The following TRIOBP variants were observed in gnomAD, a reference collection of about 807,000 sequenced individuals.
TRIOBP encodes the protein TRIO and F-actin binding protein.
Under a neutral mutation model 238.8 loss-of-function variants are expected in TRIOBP, and 169 were observed. The observed-to-expected ratio is 0.71, with a 90% CI of 0.62 to 0.80. TRIOBP has a LOEUF of 0.80. Ranked by LOEUF, TRIOBP falls within the 30% of genes least tolerant of loss-of-function variation. The probability of loss-of-function intolerance (pLI) is 0.00; values close to 1 mark genes in which losing one functional copy is unlikely to be tolerated. For missense variants in TRIOBP, 2,838 were observed against 3,122.6 expected, an observed-to-expected ratio of 0.91 and a Z score of 2.17; for synonymous variants, 1,150 against 1,274.4, an observed-to-expected ratio of 0.90 and a Z score of 2.08.
rs370721352 is a variant in TRIOBP, at chr22:37,725,985, C to T, written c.3429C>T (p.Ser1143=). The change falls in exon 7 of 24, where the codon AGC becomes AGT. Residue 1143 remains serine, a synonymous_variant. Coordinates refer to ENST00000644935, the MANE Select transcript of TRIOBP (RefSeq NM_001039141.3). ...TATTCCAGGACCTCCCCAGGGCCAG[C>T]ACAGAGAGCCTTGTCCCTTCCATGG... ...SLLFQDLPRA[S]TESLVPSMDS... 47 of 1,611,728 alleles carry T rather than the reference C, an allele frequency of 2.9e-5. No individual in the cohort carries two copies. The highest frequency in any genetic ancestry group is 3.6e-5 in the Non-Finnish European group (43 of 1,179,384).
At chr22:37,759,085 G>C in intron 16 of TRIOBP, 69 bp from the exon 17 acceptor site, 1 of 1,299,712 alleles carries the variant, frequency 7.7e-7, no homozygotes, top group South Asian at 1.2e-5. Flanking sequence ...AAGCCTGCGG[G>C]CTCCTCACTG....
intron 17 of TRIOBP, 80 bp downstream of exon 17, chr22:37,759,344 G>A: frequency 2.7e-6 from 4 of 1,460,838 alleles, no homozygotes; most frequent in Middle Eastern, 1.7e-4. Flanking sequence ...TGAGATTTTG[G>A]GAGCCCTTCC....
At chr22:37,754,798 C>T in intron 12 of TRIOBP, 79 bp from the exon 13 acceptor site, 2 of 1,426,648 alleles carry the variant, frequency 1.4e-6, no homozygotes, top group Non-Finnish European at 2.0e-6. Flanking sequence ...CTCCTGTGTG[C>T]AGCATAGTGA....
At chr22:37,744,872 A>T (rs986432343) in intron 11 of TRIOBP, among the ~76,000 whole-genome samples, 4 of 148,896 alleles carry the variant, frequency 2.7e-5, no homozygotes, top group African/African-American at 9.8e-5. Context: ...AAAAGCAATA[A>T]TTTTTTTTTT....
chr22:37,750,642 G>C, intron 11 of TRIOBP: 1 of 471,170 alleles, frequency 2.1e-6, no homozygotes, highest in Non-Finnish European at 4.4e-6. Context: ...CCTTAGACAG[G>C]TATACAGGGA....
intron 8 of TRIOBP, among the ~76,000 whole-genome samples, chr22:37,733,952 C>T (rs2145841782): frequency 6.6e-6 from 1 of 152,342 alleles, no homozygotes. Context: ...CAGGCGTGAA[C>T]CACGGCACCT....
At chr22:37,752,481 C>A (rs1207112782) in intron 12 of TRIOBP, among the ~76,000 whole-genome samples, 1 of 152,220 alleles carries the variant, frequency 6.6e-6, no homozygotes, top group Non-Finnish European at 1.5e-5. Flanking sequence ...GGCTGCCAGG[C>A]TGGCTCCCTG....
At chr22:37,699,413 G>A (rs1274335603) in intron 2 of TRIOBP, among the ~76,000 whole-genome samples, 4 of 151,924 alleles carry the variant, frequency 2.6e-5, no homozygotes, top group African/African-American at 4.8e-5. Flanking sequence ...CAGCCACTGC[G>A]ACCTTCAGTG....
intron 6 of TRIOBP, among the ~76,000 whole-genome samples, chr22:37,718,552 G>A (rs1923657124): frequency 6.6e-5 from 10 of 151,872 alleles, no homozygotes; most frequent in Admixed American, 6.6e-4. Context: ...TATGATGCAT[G>A]GGGTCAGGGG....
At chr22:37,760,834 G>A (rs1319953373) in intron 17 of TRIOBP, among the ~76,000 whole-genome samples, 6 of 152,012 alleles carry the variant, frequency 3.9e-5, no homozygotes, top group East Asian at 1.9e-4. Flanking sequence ...ATAGCCGGGC[G>A]TGGTGGTGCG....
intron 3 of TRIOBP, among the ~76,000 whole-genome samples, chr22:37,710,040 G>A (rs1923153503): frequency 6.6e-6 from 1 of 152,192 alleles, no homozygotes; most frequent in Non-Finnish European, 1.5e-5. Flanking sequence ...TGGGGCGCAC[G>A]CACATACATG....
intron 11 of TRIOBP, among the ~76,000 whole-genome samples, chr22:37,748,622 T>C (rs1401611183): frequency 5.3e-5 from 8 of 152,150 alleles, no homozygotes; most frequent in Non-Finnish European, 1.2e-4. Flanking sequence ...TGAGCCCCTA[T>C]CTGTGCTGGG....
intron 6 of TRIOBP, among the ~76,000 whole-genome samples, chr22:37,716,375 T>A (rs763310863): frequency 5.3e-5 from 8 of 151,968 alleles, no homozygotes; most frequent in Non-Finnish European, 1.0e-4. Flanking sequence ...GCCTCCTAAA[T>A]TGCCGGGATT....
At position 37,769,416 on chromosome 22, in the gene TRIOBP, G is replaced by A. The variant is rs779812874; in HGVS notation, c.6849+41G>A. On this transcript the variant is annotated intron_variant, in intron 21 of 23. Coordinates refer to ENST00000644935, the MANE Select transcript of TRIOBP (RefSeq NM_001039141.3). ...AGCACCAGGCAGCCCAGTGGTTCTC[G>A]GGGCCCGGGGCTATGGGGCACCCCC... The A allele has an allele frequency of 4.1e-5, 62 of 1,526,546 alleles. 1 individual carries two copies. The South Asian group carries it at 4.5e-4, about 11-fold the overall frequency. The allele number at this position is 1,526,546 out of a possible 1,614,324, so 94.6% of individuals were successfully genotyped here. A position where few individuals can be genotyped will look rare whatever the true frequency, so the allele number is the denominator to read the frequency against.
At chr22:37,715,066 G>C (rs1349792015) in intron 5 of TRIOBP, among the ~76,000 whole-genome samples, 4 of 152,108 alleles carry the variant, frequency 2.6e-5, no homozygotes, top group Non-Finnish European at 5.9e-5. Context: ...CTGGGCTGGA[G>C]TGCAGTGCCA....
rs757363274 is a variant in TRIOBP, at chr22:37,763,585, C to T, written c.6325-2085C>T. Among the ~76,000 whole-genome samples, 3 of 152,130 alleles carry T rather than the reference C, an allele frequency of 2.0e-5. No homozygotes were observed. In the South Asian group the frequency reaches 6.2e-4, roughly 32 times the overall value. The stretch of plus-strand genomic sequence containing the variant: ...CTTCCCTGGCTCTTCTTCCCCTTCC[C>T]TTTTTAATGACCTTAAACATTTTTT... On this transcript the variant is annotated intron_variant, in intron 17 of 23. Coordinates refer to ENST00000644935, the MANE Select transcript of TRIOBP (RefSeq NM_001039141.3).
intron 11 of TRIOBP, among the ~76,000 whole-genome samples, chr22:37,749,560 G>C (rs1925467382): frequency 6.6e-6 from 1 of 152,094 alleles, no homozygotes; most frequent in Non-Finnish European, 1.5e-5. Context: ...GAGGTAGCTG[G>C]GCCTGAAGAG....
chr22:37,746,143 C>T (rs1372257846), intron 11 of TRIOBP: 1 of 1,006,464 alleles, frequency 9.9e-7, no homozygotes, highest in Non-Finnish European at 1.2e-6. Context: ...ATTGGCCCGC[C>T]GCGGCCCCCG....
chr22:37,701,374 G>A lies in TRIOBP; in HGVS notation c.9G>A (p.Glu3=), dbSNP rs545689127. Residue 3 remains glutamate (E), a synonymous_variant, in exon 3 of 24, where the codon GAG becomes GAA. Coordinates refer to ENST00000644935, the MANE Select transcript of TRIOBP (RefSeq NM_001039141.3). ...GGCCTGACTCACCCAATATGGAGGAGGTGCCTGGGGATGCCCTGTGTGAAC... is the reference window on the plus strand; with the variant it reads ...GGCCTGACTCACCCAATATGGAGGAAGTGCCTGGGGATGCCCTGTGTGAAC... ME[E]VPGDALCEHF... 3.1e-6 allele frequency: 5 copies of A among 1,612,920 alleles called. No homozygotes were observed. In the Admixed American group the frequency reaches 5.0e-5, roughly 16 times the overall value.
Sources: allele counts gnomAD v4.1 joint callset (sites outside exome capture counted in the v4.1 genomes callset), GRCh38; gene constraint gnomAD v4.1.1; transcripts MANE v1.5; gene names NCBI Gene and HGNC (gene_info 2026-07-23, HGNC 2026-07-21).